DIAPH3: variants seen among roughly 807,000 people sequenced by gnomAD.
The protein encoded by DIAPH3 is diaphanous related formin 3.
Under a neutral mutation model 144.3 loss-of-function variants are expected in DIAPH3, and 117 were observed. The observed-to-expected ratio is 0.81, with a 90% CI of 0.70 to 0.95. DIAPH3 has a LOEUF of 0.95. Ranked by LOEUF, DIAPH3 falls within the 40% of genes least tolerant of loss-of-function variation. The pLI is 0.00. For missense variants in DIAPH3, 1,421 were observed against 1,412.7 expected (o/e 1.01, Z -0.09); for synonymous variants, 519 against 488.9 (o/e 1.06, Z -0.81).
chr13:59,724,711 C>T (rs2035522261), intron 27 of DIAPH3, among the ~76,000 whole-genome samples: 1 of 152,202 alleles, frequency 6.6e-6, no homozygotes, highest in African/African-American at 2.4e-5. Flanking sequence ...AATGAGCTGG[C>T]TTTCCTTTAT....
intron 3 of DIAPH3, among the ~76,000 whole-genome samples, chr13:60,107,470 C>G (rs1396026746): frequency 6.6e-6 from 1 of 152,010 alleles, no homozygotes; most frequent in Non-Finnish European, 1.5e-5. Flanking sequence ...AAAAACACTG[C>G]AGGACAAAAT....
Position 59,810,833 on chromosome 13 carries a change from G to A in DIAPH3, c.3118C>T (p.Leu1040Phe), listed in dbSNP as rs752530318. ...CGCTTTTTCTTTTGTTGGCGTTCGA[G>A]TCTTTCTCGCTCTGCTAATTCTTTA... ...IAKELAERERLERQQKKKRLL... is the reference protein window; with the variant it reads ...IAKELAERERFERQQKKKRLL... The change falls in exon 25 of 28, where the codon CTC becomes TTC. Residue 1040 changes from leucine to phenylalanine, a missense_variant. Transcript: ENST00000400324. 1.2e-6 allele frequency: 2 copies of A among 1,613,576 alleles called. No homozygotes were observed. Among genetic ancestry groups the A allele is most frequent in the African/African-American group, 2.7e-5 (2 of 75,012 alleles).
At chr13:60,120,923 GTT>G (rs1399469875) in intron 2 of DIAPH3, among the ~76,000 whole-genome samples, 1 of 152,176 alleles carries the variant, frequency 6.6e-6, no homozygotes, top group Non-Finnish European at 1.5e-5. Context: ...AAGCCACCAA[GTT>G]TTGAGAAATG....
At chr13:60,013,482 A>C (rs1261588403) in intron 7 of DIAPH3, 1 of 152,234 alleles carries the variant, frequency 6.6e-6, no homozygotes, top group East Asian at 1.9e-4. Flanking sequence ...TTAACTGACC[A>C]AACTGAAGTC....
intron 24 of DIAPH3, 65 bp downstream of exon 24, chr13:59,833,042 A>G (rs2041858797): frequency 1.7e-6 from 2 of 1,186,280 alleles, no homozygotes; most frequent in Non-Finnish European, 2.4e-6. Flanking sequence ...AGAACGATGT[A>G]ATGAGATAAT....
At chr13:59,908,817 G>A (rs1050223859) in intron 20 of DIAPH3, among the ~76,000 whole-genome samples, 5 of 151,984 alleles carry the variant, frequency 3.3e-5, no homozygotes, top group South Asian at 2.1e-4. Flanking sequence ...ATCAGTCTAC[G>A]GAACCTAAAG....
At position 60,052,959 on chromosome 13, in the gene DIAPH3, TAAAA is replaced by T. The variant is rs559991017; in HGVS notation, c.496-10143_496-10140del. ...CTGGTGACAGAGCCAGACTCCCTCT[TAAAA>T]AAAAAAAAAAAAAAAAAGAAATAAT... On this transcript the variant is annotated intron_variant, in intron 4 of 27. Coordinates refer to ENST00000400324, the MANE Select transcript of DIAPH3 (RefSeq NM_001042517.2). Among the ~76,000 whole-genome samples the T allele has an allele frequency of 7.7e-3, 312 of 40,640 alleles. 9 individuals are homozygous for T. The highest frequency in any genetic ancestry group is 0.038 in the African/African-American group (262 of 6,894). The allele number at this position is 40,640 out of a possible 152,430, so 26.7% of individuals were successfully genotyped here.
chr13:59,927,989 A>G (rs940976501), intron 17 of DIAPH3, among the ~76,000 whole-genome samples: 1 of 152,092 alleles, frequency 6.6e-6, no homozygotes, highest in African/African-American at 2.4e-5. Flanking sequence ...GCCTTTTCCC[A>G]TCTCTTCTCC....
intron 17 of DIAPH3, among the ~76,000 whole-genome samples, chr13:59,963,903 G>A (rs191813697): frequency 6.6e-6 from 1 of 152,238 alleles, no homozygotes; most frequent in East Asian, 1.9e-4. Context: ...GCATTCAGAA[G>A]GATAAGCCTC....
intron 21 of DIAPH3, among the ~76,000 whole-genome samples, chr13:59,876,545 A>T (rs117597850): frequency 0.036 from 5,518 of 152,314 alleles, 120 homozygotes; most frequent in Non-Finnish European, 0.049. Context: ...TATTTTCAAC[A>T]ACAAAATAAA....
intron 25 of DIAPH3, among the ~76,000 whole-genome samples, chr13:59,797,464 C>G (rs925565057): frequency 6.6e-6 from 1 of 152,124 alleles, no homozygotes; most frequent in African/African-American, 2.4e-5. Context: ...TTTATAATTT[C>G]TTTTGTCAGA....
At chr13:59,799,793 A>T (rs1364663332) in intron 25 of DIAPH3, among the ~76,000 whole-genome samples, 1 of 152,214 alleles carries the variant, frequency 6.6e-6, no homozygotes, top group Non-Finnish European at 1.5e-5. Context: ...GTTAATTTTG[A>T]TTAAAGGTTT....
chr13:59,836,453 G>A (rs1021680791), intron 23 of DIAPH3, among the ~76,000 whole-genome samples: 1 of 151,696 alleles, frequency 6.6e-6, no homozygotes, highest in African/African-American at 2.4e-5. Flanking sequence ...CTTAGCAAGT[G>A]GGAGGTAATA....
At chr13:59,669,994 T>C (rs2032268113) in intron 27 of DIAPH3, among the ~76,000 whole-genome samples, 1 of 152,180 alleles carries the variant, frequency 6.6e-6, no homozygotes, top group African/African-American at 2.4e-5. Flanking sequence ...CTATACCAGA[T>C]CCAAGGATGA....
intron 27 of DIAPH3, among the ~76,000 whole-genome samples, chr13:59,685,329 A>G (rs576217149): frequency 6.6e-6 from 1 of 152,288 alleles, no homozygotes; most frequent in East Asian, 1.9e-4. Flanking sequence ...CTCATGAATA[A>G]ATGAGAATCA....
intron 17 of DIAPH3, among the ~76,000 whole-genome samples, chr13:59,926,701 A>G (rs1290209332): frequency 6.6e-6 from 1 of 152,148 alleles, no homozygotes; most frequent in Non-Finnish European, 1.5e-5. Context: ...GATACTTAAT[A>G]TAATTTTGAT....
chr13:59,666,734 C>CCGTCT lies in DIAPH3; in HGVS notation c.3431_3432insAGACG (p.Ser1145AspfsTer18). 6.2e-7 allele frequency: 1 copy of CCGTCT among 1,614,006 alleles called. No individual in the cohort carries two copies. The highest frequency in any genetic ancestry group is 1.1e-5 in the South Asian group (1 of 91,070). ...CAGCTGCCTTGATCCTCCCAGTAGA[C>CCGTCT]GTATGAGTGTCTAGATTATAATTAA... is the stretch of plus-strand genomic sequence containing the variant. On this transcript the variant is annotated frameshift_variant, in exon 28 of 28. Coordinates refer to ENST00000400324, the MANE Select transcript of DIAPH3 (RefSeq NM_001042517.2). LOFTEE classifies it high-confidence loss of function.
intron 2 of DIAPH3, among the ~76,000 whole-genome samples, chr13:60,124,717 G>A (rs1404361856): frequency 6.6e-6 from 1 of 152,042 alleles, no homozygotes; most frequent in Non-Finnish European, 1.5e-5. Context: ...AGCCAAGCAA[G>A]GTGGTGTATG....
intron 27 of DIAPH3, among the ~76,000 whole-genome samples, chr13:59,726,095 CACTTT>C (rs2035591840): frequency 6.6e-6 from 1 of 152,130 alleles, no homozygotes; most frequent in African/African-American, 2.4e-5. Context: ...ATTAAAATTT[CACTTT>C]ACAAGTATAT....
Sources: gnomAD v4.1 joint callset for allele counts (sites outside exome capture counted in the v4.1 genomes callset) on GRCh38, gnomAD v4.1.1 for gene constraint, MANE v1.5 for transcripts, NCBI Gene and HGNC (gene_info 2026-07-23, HGNC 2026-07-21) for gene names.